Variants in TMEM50B observed in about 807,000 individuals in gnomAD.
TMEM50B encodes HCV p7-trans-regulated protein 3.
In TMEM50B, 14 loss-of-function variants were observed where a neutral mutation model predicts 23.4. That is an observed-to-expected ratio of 0.60 (90% CI 0.39 to 0.93). The LOEUF (loss-of-function observed/expected upper bound fraction) is 0.93, where lower values mean the gene tolerates loss of function less well. Ranked by LOEUF, TMEM50B falls within the 40% of genes least tolerant of loss-of-function variation. TMEM50B has a pLI of 0.00. For missense variants in TMEM50B, 159 were observed against 193.0 expected (o/e 0.82, Z 1.04); for synonymous variants, 64 against 62.3 (o/e 1.03, Z -0.13).
intron 1 of TMEM50B, among the ~76,000 whole-genome samples, chr21:33,474,594 G>T (rs546470008): frequency 6.8e-6 from 1 of 148,024 alleles, no homozygotes; most frequent in African/African-American, 2.5e-5. Context: ...CACCAGCCTG[G>T]TGAAACCCTG....
intron 8 of TMEM50B, among the ~76,000 whole-genome samples, chr21:33,434,701 T>C (rs1459080002): frequency 1.3e-5 from 2 of 152,130 alleles, no homozygotes; most frequent in African/African-American, 2.4e-5. Context: ...CCCTAGTCAC[T>C]TGTTCCTTCA....
intron 1 of TMEM50B, among the ~76,000 whole-genome samples, chr21:33,474,466 C>T (rs895364645): frequency 6.6e-6 from 1 of 150,884 alleles, no homozygotes; most frequent in African/African-American, 2.4e-5. Flanking sequence ...AGGAATGATA[C>T]CCGATGAAAC....
chr21:33,443,423 C>G (rs1431253985), intron 7 of TMEM50B, among the ~76,000 whole-genome samples: 4 of 114,798 alleles, frequency 3.5e-5, no homozygotes. Flanking sequence ...GTGCACCGCA[C>G]AACCCCACAG....
At chr21:33,457,429 C>T (rs549170927) in intron 5 of TMEM50B, among the ~76,000 whole-genome samples, 5 of 152,010 alleles carry the variant, frequency 3.3e-5, no homozygotes, top group South Asian at 2.1e-4. Context: ...GTGGGTAGAT[C>T]GTCTGAGATC....
chr21:33,455,863 A>G, intron 5 of TMEM50B, 79 bp from the exon 6 acceptor site: 1 of 997,866 alleles, frequency 1.0e-6, no homozygotes. Flanking sequence ...ATTCATAATG[A>G]TACATTTTGT....
Position 33,436,936 on chromosome 21 carries a change from CAAG to C in TMEM50B, c.*2120+2275_*2120+2277del, listed in dbSNP as rs760530034. On this transcript the variant is annotated intron_variant and NMD_transcript_variant, in intron 8 of 8. Transcript: ENST00000420455. ...CATTATCTCGTTTCCGGAAAAGGAG[CAAG>C]AAGATGTTCTCCAAACGCTTTGAAC... The C allele has an allele frequency of 1.7e-5, 27 of 1,613,818 alleles. No individual in the cohort carries two copies. In the South Asian group the frequency reaches 1.8e-4, roughly 10 times the overall value.
At chr21:33,463,347 A>G (rs2084234374) in intron 4 of TMEM50B, among the ~76,000 whole-genome samples, 1 of 152,142 alleles carries the variant, frequency 6.6e-6, no homozygotes, top group Non-Finnish European at 1.5e-5. Context: ...AAGAAAGCTA[A>G]GCTCTTCAAA....
intron 5 of TMEM50B, 120 bp from the exon 6 acceptor site, chr21:33,455,904 C>G: frequency 1.3e-6 from 1 of 776,028 alleles, no homozygotes; most frequent in Middle Eastern, 2.3e-4. Flanking sequence ...TATTCATTAA[C>G]TGTAAGACAT....
intron 6 of TMEM50B, among the ~76,000 whole-genome samples, chr21:33,454,723 T>C (rs78785554): frequency 6.6e-6 from 1 of 152,182 alleles, no homozygotes; most frequent in Non-Finnish European, 1.5e-5. Context: ...TAGGGTTTTT[T>C]AATAAGACAC....
chr21:33,464,762 C>T (rs996921868), intron 4 of TMEM50B, among the ~76,000 whole-genome samples: 4 of 139,638 alleles, frequency 2.9e-5, no homozygotes, highest in African/African-American at 5.1e-5. Flanking sequence ...CAAAAACCCA[C>T]CACTGCACTC....
intron 7 of TMEM50B, among the ~76,000 whole-genome samples, chr21:33,439,660 G>A (rs920703888): frequency 6.6e-6 from 1 of 151,912 alleles, no homozygotes; most frequent in African/African-American, 2.4e-5. Context: ...GATTACAGGT[G>A]TGAGCCACTG....
intron 8 of TMEM50B, chr21:33,437,038 T>A: frequency 2.0e-6 from 3 of 1,502,028 alleles, no homozygotes; most frequent in Non-Finnish European, 2.8e-6. Flanking sequence ...CTGTCTGGAC[T>A]TTCCAGAGAC....
chr21:33,446,060 T>TCCTGCC (rs1307247014), downstream of TMEM50B, among the ~76,000 whole-genome samples: 1 of 152,004 alleles, frequency 6.6e-6, no homozygotes, highest in African/African-American at 2.4e-5. Context: ...TACTGTGCCC[T>TCCTGCC]CCTGCCACCA....
chr21:33,437,077 G>T, intron 8 of TMEM50B: 1 of 1,029,246 alleles, frequency 9.7e-7, no homozygotes, highest in East Asian at 2.5e-5. Flanking sequence ...CCTCTAAAAG[G>T]CCTGTCCCTG....
At chr21:33,432,936 A>G (rs2083904886) in intron 8 of TMEM50B, 1 of 1,346,376 alleles carries the variant, frequency 7.4e-7, no homozygotes, top group Admixed American at 1.9e-5. Flanking sequence ...CCCAGGCGGG[A>G]GTGTCATGGT....
intron 1 of TMEM50B, chr21:33,478,956 T>G: frequency 2.6e-6 from 1 of 381,882 alleles, no homozygotes; most frequent in Non-Finnish European, 5.3e-6. Context: ...CAGCGCGATG[T>G]AAGACGATGC....
intron 1 of TMEM50B, chr21:33,479,117 T>G (rs1348831024): frequency 1.2e-5 from 3 of 246,988 alleles, no homozygotes; most frequent in Non-Finnish European, 2.5e-5. Context: ...ACCTTAGAAT[T>G]TCAGCACCTT....
At chr21:33,476,313 A>G (rs1445443553) in intron 1 of TMEM50B, among the ~76,000 whole-genome samples, 1 of 149,738 alleles carries the variant, frequency 6.7e-6, no homozygotes, top group East Asian at 2.0e-4. Flanking sequence ...AACCTGGGAG[A>G]TGGAGGTTGC....
Position 33,436,919 on chromosome 21 carries a change from C to T in TMEM50B, c.*2120+2295G>A, listed in dbSNP as rs749163514. 11 of 1,613,772 alleles carry T rather than the reference C, an allele frequency of 6.8e-6. No individual in the cohort carries two copies. Among genetic ancestry groups the T allele is most frequent in the Non-Finnish European group, 8.5e-6 (10 of 1,179,924 alleles). ...GTCTGGGACTCTGTGTCCATTATCT[C>T]GTTTCCGGAAAAGGAGCAAGAAGAT... On this transcript the variant is annotated intron_variant and NMD_transcript_variant, in intron 8 of 8. Coordinates refer to the TMEM50B transcript ENST00000420455.
Sources: allele counts gnomAD v4.1 joint callset (sites outside exome capture counted in the v4.1 genomes callset), GRCh38; gene constraint gnomAD v4.1.1; transcripts MANE v1.5; gene names NCBI Gene and HGNC (gene_info 2026-07-23, HGNC 2026-07-21).